ADAMTS20: variants seen among roughly 807,000 people sequenced by gnomAD.
ADAMTS20 encodes the protein ADAM metallopeptidase with thrombospondin type 1 motif 20.
ADAMTS20 carries 225 observed loss-of-function variants against 260.1 expected under a neutral mutation model. The ratio of observed to expected loss-of-function variants is 0.87; its 90% CI spans 0.78 to 0.97. The LOEUF (loss-of-function observed/expected upper bound fraction) is 0.97. Among genes scored for constraint, ADAMTS20 ranks in the 50% least tolerant of loss-of-function variants. The probability of loss-of-function intolerance (pLI) is 0.00; values close to 1 mark genes in which losing one functional copy is unlikely to be tolerated. For synonymous variants in ADAMTS20, 802 were observed against 769.5 expected, an observed-to-expected ratio of 1.04 and a Z score of -0.70; for missense variants, 2,400 against 2,337.7, an observed-to-expected ratio of 1.03 and a Z score of -0.55.
chr12:43,384,471 T>C (rs934263962), intron 29 of ADAMTS20, among the ~76,000 whole-genome samples: 2 of 152,218 alleles, frequency 1.3e-5, no homozygotes, highest in African/African-American at 4.8e-5. Context: ...TTTTTTTTAA[T>C]ACTTTAAGTT....
At chr12:43,429,886 G>A (rs755306161) in intron 23 of ADAMTS20, among the ~76,000 whole-genome samples, 162 bp from the exon 24 acceptor site, 2 of 152,024 alleles carry the variant, frequency 1.3e-5, no homozygotes, top group Non-Finnish European at 2.9e-5. Context: ...CTACAGTATC[G>A]TCAAGTGTCA....
At chr12:43,396,972 G>A (rs577989225) in intron 29 of ADAMTS20, among the ~76,000 whole-genome samples, 5 of 152,140 alleles carry the variant, frequency 3.3e-5, no homozygotes, top group African/African-American at 9.7e-5. Flanking sequence ...TGTAGGAACT[G>A]GGAGTTAACT....
chr12:43,520,210 A>T (rs757432769), intron 3 of ADAMTS20, among the ~76,000 whole-genome samples: 47 of 152,204 alleles, frequency 3.1e-4, no homozygotes, highest in Non-Finnish European at 6.2e-4. Context: ...TCACTGGTAC[A>T]TCCAAGAAAA....
chr12:43,495,488 A>C (rs1316876514), intron 4 of ADAMTS20, among the ~76,000 whole-genome samples: 1 of 152,322 alleles, frequency 6.6e-6, no homozygotes, highest in East Asian at 1.9e-4. Context: ...CTACTTATAA[A>C]GCTTTTTCAG....
At chr12:43,363,517 T>C (rs1459861450) in intron 37 of ADAMTS20, among the ~76,000 whole-genome samples, 1 of 152,162 alleles carries the variant, frequency 6.6e-6, no homozygotes, top group Non-Finnish European at 1.5e-5. Flanking sequence ...ACTCTATTTA[T>C]TGAGCAGGGG....
At chr12:43,453,767 G>T in intron 12 of ADAMTS20, 140 bp downstream of exon 12, 1 of 758,596 alleles carries the variant, frequency 1.3e-6, no homozygotes, top group Non-Finnish European at 2.0e-6. Flanking sequence ...ATAAATCAAT[G>T]TGACTTAAAG....
At chr12:43,445,721 G>A (rs10880494) in intron 15 of ADAMTS20, among the ~76,000 whole-genome samples, 48,671 of 151,656 alleles carry the variant, frequency 0.32, 8,462 homozygotes, top group East Asian at 0.75. Flanking sequence ...GCATGGTGGT[G>A]AACACCTGTA....
chr12:43,464,199 T>G (rs1942112936), intron 10 of ADAMTS20, among the ~76,000 whole-genome samples: 2 of 152,248 alleles, frequency 1.3e-5, no homozygotes, highest in Admixed American at 1.3e-4. Context: ...AAGGAAAATG[T>G]ACTCTATTAG....
intron 31 of ADAMTS20, among the ~76,000 whole-genome samples, chr12:43,379,532 C>G (rs1565672522): frequency 6.6e-6 from 1 of 152,178 alleles, no homozygotes; most frequent in South Asian, 2.1e-4. Flanking sequence ...TTGTCAACAA[C>G]CTGATGAGTG....
intron 3 of ADAMTS20, among the ~76,000 whole-genome samples, chr12:43,527,319 G>A (rs1031040686): frequency 2.6e-5 from 4 of 152,022 alleles, no homozygotes; most frequent in African/African-American, 9.7e-5. Flanking sequence ...TTGAGAAACA[G>A]GGAATCCTCC....
intron 29 of ADAMTS20, 73 bp downstream of exon 29, chr12:43,398,993 T>C (rs1940755972): frequency 1.9e-6 from 2 of 1,059,168 alleles, no homozygotes; most frequent in South Asian, 8.7e-5. Context: ...TTCAAGGTTA[T>C]GAAAAATAAG....
At chr12:43,375,226 G>T (rs1940197049) in intron 36 of ADAMTS20, among the ~76,000 whole-genome samples, 153 bp downstream of exon 36, 1 of 145,024 alleles carries the variant, frequency 6.9e-6, no homozygotes, top group Non-Finnish European at 1.5e-5. Context: ...TGCAGAGGAA[G>T]TATGTAGCTA....
intron 7 of ADAMTS20, among the ~76,000 whole-genome samples, chr12:43,482,906 C>T (rs1942463804): frequency 6.6e-6 from 1 of 152,172 alleles, no homozygotes; most frequent in Admixed American, 6.5e-5. Context: ...CAGATTGTAT[C>T]TTCTTCCTGG....
At chr12:43,499,319 A>G (rs150341407) in intron 4 of ADAMTS20, among the ~76,000 whole-genome samples, 3 of 152,270 alleles carry the variant, frequency 2.0e-5, no homozygotes, top group Non-Finnish European at 4.4e-5. Flanking sequence ...AATGATAAGC[A>G]CATGCATTGG....
At chr12:43,423,587 A>G (rs905352935) in intron 28 of ADAMTS20, 1 of 608,030 alleles carries the variant, frequency 1.6e-6, no homozygotes, top group Non-Finnish European at 2.9e-6. Flanking sequence ...AGTCTTCTTA[A>G]GAACTAGGCT....
At chr12:43,492,458 G>A (rs754071269) in intron 6 of ADAMTS20, 47 bp downstream of exon 6, 1 of 1,587,026 alleles carries the variant, frequency 6.3e-7, no homozygotes, top group Admixed American at 1.7e-5. Context: ...TCATGCAGGA[G>A]GGAAGAGTAA....
intron 7 of ADAMTS20, among the ~76,000 whole-genome samples, chr12:43,485,546 C>T (rs994550880): frequency 6.6e-6 from 1 of 152,082 alleles, no homozygotes; most frequent in African/African-American, 2.4e-5. Context: ...TTCTATTCAA[C>T]ATATTACTAG....
chr12:43,461,889 C>T (rs571335908), intron 11 of ADAMTS20, among the ~76,000 whole-genome samples: 1 of 152,266 alleles, frequency 6.6e-6, no homozygotes, highest in South Asian at 2.1e-4. Context: ...CCCACTAGAA[C>T]TTTCGTCCTA....
At chr12:43,526,549 A>T (rs1264950167) in intron 3 of ADAMTS20, among the ~76,000 whole-genome samples, 2 of 152,210 alleles carry the variant, frequency 1.3e-5, no homozygotes, top group African/African-American at 4.8e-5. Context: ...TAAACTACAC[A>T]AATACATGGA....
Sources: allele counts gnomAD v4.1 joint callset (sites outside exome capture counted in the v4.1 genomes callset), GRCh38; gene constraint gnomAD v4.1.1; transcripts MANE v1.5; gene names NCBI Gene and HGNC (gene_info 2026-07-23, HGNC 2026-07-21).